The following ERAP1 variants were observed in gnomAD, a reference collection of about 807,000 sequenced individuals.
The protein encoded by ERAP1 is endoplasmic reticulum aminopeptidase 1, also known as adipocyte-derived leucine aminopeptidase.
In ERAP1, 86 loss-of-function variants were observed where a neutral mutation model predicts 103.7. The ratio of observed to expected loss-of-function variants is 0.83; its 90% CI spans 0.70 to 0.99. The LOEUF is 0.99. Ranked by LOEUF, ERAP1 falls within the 50% of genes least tolerant of loss-of-function variation. The pLI is 0.00. For synonymous variants in ERAP1, 398 were observed against 402.4 expected (o/e 0.99, Z 0.13); for missense variants, 1,009 against 1,128.4 (o/e 0.89, Z 1.52).
the ERAP1 span, among the ~76,000 whole-genome samples, chr5:96,890,792 A>G: frequency 6.6e-6 from 1 of 152,166 alleles, no homozygotes; most frequent in Non-Finnish European, 1.5e-5. Flanking sequence ...TGCAGGTTCT[A>G]TATACTCTTT....
At chr5:96,829,039 G>A in the ERAP1 span, among the ~76,000 whole-genome samples, 2 of 152,032 alleles carry the variant, frequency 1.3e-5, no homozygotes, top group Non-Finnish European at 2.9e-5. Context: ...TAGAGACAGA[G>A]GTTTCACCAT....
the ERAP1 span, chr5:96,900,278 C>G: frequency 6.7e-7 from 1 of 1,503,428 alleles, no homozygotes; most frequent in Non-Finnish European, 8.9e-7. Context: ...CCCACCTGTC[C>G]CTTTTAAAAG....
the ERAP1 span, chr5:96,934,658 T>G: frequency 6.6e-6 from 1 of 152,290 alleles, no homozygotes; most frequent in Non-Finnish European, 1.5e-5. Flanking sequence ...TCGATTTGAC[T>G]TCTTCGAAAC....
Position 96,793,823 on chromosome 5 carries a change from CCA to C in ERAP1, c.1052_1053del (p.Val351GlyfsTer3). On this transcript the variant is annotated frameshift_variant, in exon 6 of 19. Transcript: ENST00000443439. LOFTEE classifies it high-confidence loss of function. Reference protein sequence around the residue: ...ASSKLGITMTVAHELAHQWFG... With the variant: ...ASSKLGITMTXAHELAHQWFG... ...TATACCTGGTGAGCCAGTTCATGGG[CCA>C]CAGTCATTGTGATGCCAAGCTTACT... 1.1e-5 allele frequency: 17 copies of C among 1,613,876 alleles called. No homozygotes were observed. Among genetic ancestry groups the C allele is most frequent in the Non-Finnish European group, 1.4e-5 (16 of 1,179,814 alleles).
chr5:96,899,637 A>T, the ERAP1 span, among the ~76,000 whole-genome samples: 1 of 152,154 alleles, frequency 6.6e-6, no homozygotes, highest in Non-Finnish European at 1.5e-5. Context: ...TACACTCATC[A>T]CATGCTGTTG....
At chr5:96,910,341 T>C in the ERAP1 span, 19 of 152,120 alleles carry the variant, frequency 1.2e-4, no homozygotes, top group African/African-American at 4.6e-4. Flanking sequence ...TAACTAAATC[T>C]GTGAGCTTTT....
chr5:96,830,245 G>A, the ERAP1 span, among the ~76,000 whole-genome samples: 1 of 152,194 alleles, frequency 6.6e-6, no homozygotes, highest in Non-Finnish European at 1.5e-5. Context: ...GAAATTACAT[G>A]ATGATTCGAG....
chr5:96,791,950 G>C (rs1279361792), intron 8 of ERAP1, 111 bp downstream of exon 8: 1 of 1,177,728 alleles, frequency 8.5e-7, no homozygotes, highest in Non-Finnish European at 1.3e-6. Flanking sequence ...CGTGTCAAGA[G>C]AGAAGGCATT....
chr5:96,776,098 G>T lies in ERAP1; in HGVS notation c.*298C>A, dbSNP rs113677417. Reference sequence around the variant, plus strand: ...ACATGGGGTACAGGGTTTTGGACACGGGTGCTTAAGCATAAACTATAAAAT... The same window carrying T: ...ACATGGGGTACAGGGTTTTGGACACTGGTGCTTAAGCATAAACTATAAAAT... On this transcript the variant is annotated 3_prime_UTR_variant, in exon 19 of 19. Coordinates refer to ENST00000443439, the MANE Select transcript of ERAP1 (RefSeq NM_001040458.3). 1 of 1,297,082 alleles carries T rather than the reference G, an allele frequency of 7.7e-7. No homozygotes were observed. The highest frequency in any genetic ancestry group is 1.3e-5 in the South Asian group (1 of 74,466). 80.3% of individuals were successfully genotyped at this position (1,297,082 alleles called of 1,614,324 possible). A position where few individuals can be genotyped will look rare whatever the true frequency, so the allele number is the denominator to read the frequency against.
chr5:96,850,948 T>C, the ERAP1 span, among the ~76,000 whole-genome samples: 3 of 152,148 alleles, frequency 2.0e-5, no homozygotes, highest in Admixed American at 1.3e-4. Context: ...GGGTACACAT[T>C]CTGTAAAATG....
downstream of ERAP1, chr5:96,772,180 AT>A (rs1385008244): frequency 6.5e-6 from 1 of 153,798 alleles, no homozygotes; most frequent in Non-Finnish European, 1.5e-5. Context: ...AAGATTGGCC[AT>A]TTTTATTTGT....
chr5:96,834,501 C>T, the ERAP1 span, among the ~76,000 whole-genome samples: 2 of 152,132 alleles, frequency 1.3e-5, no homozygotes, highest in Admixed American at 1.3e-4. Flanking sequence ...TTAAAGTTAA[C>T]TGCTAAGTTG....
intron 3 of ERAP1, among the ~76,000 whole-genome samples, chr5:96,800,612 C>T (rs1777873634): frequency 6.6e-6 from 1 of 152,188 alleles, no homozygotes; most frequent in African/African-American, 2.4e-5. Flanking sequence ...ATACCACTTC[C>T]CTCCTATCAG....
the ERAP1 span, among the ~76,000 whole-genome samples, chr5:96,907,805 C>T: frequency 3.9e-5 from 6 of 151,926 alleles, no homozygotes; most frequent in African/African-American, 7.3e-5. Flanking sequence ...ATTGCTTGAA[C>T]CCAGGAGGCA....
Position 96,792,166 on chromosome 5 carries a change from A to G in ERAP1, c.1215T>C (p.Phe405=), listed in dbSNP as rs1210444277. Residue 405 remains phenylalanine (F), a synonymous_variant, in exon 8 of 19, where the codon TTT becomes TTC. Coordinates refer to ENST00000443439, the MANE Select transcript of ERAP1 (RefSeq NM_001040458.3). ...KVGDYFFGKC[F]DAMEVDALNS... Reference sequence around the variant, plus strand: ...TTAAAGCATCTACCTCCATTGCGTCAAAACATTTGCCAAAGAAATAATCTC... The same window carrying G: ...TTAAAGCATCTACCTCCATTGCGTCGAAACATTTGCCAAAGAAATAATCTC... 1.2e-6 allele frequency: 2 copies of G among 1,613,818 alleles called. No individual in the cohort carries two copies. Among genetic ancestry groups the G allele is most frequent in the South Asian group, 2.2e-5 (2 of 91,074 alleles).
chr5:96,790,978 A>C (rs1362429901), intron 8 of ERAP1, among the ~76,000 whole-genome samples: 1 of 152,220 alleles, frequency 6.6e-6, no homozygotes, highest in African/African-American at 2.4e-5. Flanking sequence ...TTGGACCTTG[A>C]GCTACTACCT....
intron 11 of ERAP1, chr5:96,786,802 T>C (rs910986775): frequency 1.6e-5 from 7 of 444,246 alleles, no homozygotes; most frequent in Non-Finnish European, 2.9e-5. Context: ...GAAAGCCTTT[T>C]TACAGTGATT....
the ERAP1 span, chr5:96,902,177 G>A: frequency 1.3e-6 from 1 of 784,332 alleles, no homozygotes; most frequent in Admixed American, 2.0e-5. Context: ...AGGATGATGG[G>A]TACTTAGGTG....
At chr5:96,846,616 T>C in the ERAP1 span, among the ~76,000 whole-genome samples, 2 of 152,196 alleles carry the variant, frequency 1.3e-5, no homozygotes, top group Admixed American at 6.5e-5. Flanking sequence ...AGTTCCTGCA[T>C]TTCTAATAAG....
Sources: allele counts gnomAD v4.1 joint callset (sites outside exome capture counted in the v4.1 genomes callset), GRCh38; gene constraint gnomAD v4.1.1; transcripts MANE v1.5; gene names NCBI Gene and HGNC (gene_info 2026-07-23, HGNC 2026-07-21).